Variants in CYP27C1 observed in about 807,000 individuals in gnomAD.
CYP27C1 encodes the protein cytochrome P450 family 27 subfamily C member 1, also known as cytochrome P450 27C1.
Under a neutral mutation model 40.6 loss-of-function variants are expected in CYP27C1, and 29 were observed. The observed-to-expected ratio is 0.71, with a 90% CI of 0.53 to 0.97. The LOEUF (loss-of-function observed/expected upper bound fraction) is 0.97, where lower values mean the gene tolerates loss of function less well. CYP27C1 is among the 50% of genes least tolerant of loss of function. CYP27C1 has a pLI of 0.00. For missense variants in CYP27C1, 390 were observed against 485.8 expected (o/e 0.80, Z 1.85); for synonymous variants, 198 against 186.8 (o/e 1.06, Z -0.49).
At position 127,201,748 on chromosome 2, in the gene CYP27C1, C is replaced by T. The variant is rs1169589053; in HGVS notation, c.674-417G>A. Reference sequence around the variant, plus strand: ...CAACACCCTCCTCTCAGGAAGGAGTCGGCAAACCTCACATGGCCTCTCCCT... The same window carrying T: ...CAACACCCTCCTCTCAGGAAGGAGTTGGCAAACCTCACATGGCCTCTCCCT... On this transcript the variant is annotated intron_variant, in intron 3 of 8. Transcript: ENST00000664447. The surrounding 1 kb of genome is among the most constrained non-coding windows in gnomAD (Gnocchi z 6.0). 6.6e-6 allele frequency among the ~76,000 whole-genome samples: 1 copy of T among 152,156 alleles called. No individual in the cohort carries two copies. The highest frequency in any genetic ancestry group is 1.5e-5 in the Non-Finnish European group (1 of 68,032).
intron 8 of CYP27C1, among the ~76,000 whole-genome samples, chr2:127,191,505 G>A (rs1435124943): frequency 8.5e-5 from 13 of 152,116 alleles, no homozygotes; most frequent in Non-Finnish European, 1.9e-4. Context: ...CAGTGGCTGC[G>A]GGAGGCACAG....
chr2:127,193,354 G>T (rs2104676885), intron 7 of CYP27C1, 57 bp from the exon 8 acceptor site: 1 of 1,602,722 alleles, frequency 6.2e-7, no homozygotes, highest in South Asian at 1.1e-5. Flanking sequence ...TCAAGAGCAG[G>T]GCAGGGCCCA....
rs1271736253 is a variant in CYP27C1 at position 127,186,811 on chromosome 2, T to C, written c.*460A>G. 6.4e-6 allele frequency: 1 copy of C among 155,512 alleles called. No homozygotes were observed. Among genetic ancestry groups the C allele is most frequent in the Non-Finnish European group, 1.4e-5 (1 of 70,036 alleles). The allele number at this position is 155,512 out of a possible 1,614,324, so 9.6% of individuals were successfully genotyped here. A position where few individuals can be genotyped will look rare whatever the true frequency, so the allele number is the denominator to read the frequency against. ...TACAGTATTACAGAGGCATTCTTAATGTTCCCTCTTCAAATTAGAAACAGT... is the reference window on the plus strand; with the variant it reads ...TACAGTATTACAGAGGCATTCTTAACGTTCCCTCTTCAAATTAGAAACAGT... On this transcript the variant is annotated 3_prime_UTR_variant, in exon 9 of 9. Coordinates refer to ENST00000664447, the MANE Select transcript of CYP27C1 (RefSeq NM_001367502.1). This position sits in a 1 kb window ranked among gnomAD's most constrained non-coding sequence, Gnocchi z 4.5.
rs968556730 is a variant in CYP27C1 at position 127,184,269 on chromosome 2, A to T, written c.*3002T>A. ...TATTTTTGGCTTTTATTTTATTTTTAAAAATTATCTCTTAAATGTCTTTTT... is the reference window on the plus strand; with the variant it reads ...TATTTTTGGCTTTTATTTTATTTTTTAAAATTATCTCTTAAATGTCTTTTT... On this transcript the variant is annotated 3_prime_UTR_variant, in exon 9 of 9. Transcript: ENST00000664447. The T allele has an allele frequency of 6.6e-6, 1 of 152,110 alleles. No homozygotes were observed. The highest frequency in any genetic ancestry group is 6.5e-5 in the Admixed American group (1 of 15,268). The allele number at this position is 152,110 out of a possible 1,614,324, so 9.4% of individuals were successfully genotyped here.
chr2:127,198,431 G>A (rs1682955328), intron 5 of CYP27C1, among the ~76,000 whole-genome samples: 1 of 151,982 alleles, frequency 6.6e-6, no homozygotes, highest in Non-Finnish European at 1.5e-5. Flanking sequence ...ATGAAACAAT[G>A]ACAAAATGTT....
At chr2:127,198,786 T>A (rs1262730635) in intron 5 of CYP27C1, among the ~76,000 whole-genome samples, 1 of 152,192 alleles carries the variant, frequency 6.6e-6, no homozygotes, top group African/African-American at 2.4e-5. Context: ...CCTAGGTATG[T>A]GGTAGGCTAC....
At chr2:127,207,496 C>CA (rs1184305271) in intron 1 of CYP27C1, among the ~76,000 whole-genome samples, 1 of 151,950 alleles carries the variant, frequency 6.6e-6, no homozygotes, top group African/African-American at 2.4e-5. Flanking sequence ...AATTCTATCT[C>CA]AAAAAATACA....
intron 1 of CYP27C1, among the ~76,000 whole-genome samples, chr2:127,216,601 T>A (rs1683435385): frequency 1.3e-5 from 2 of 152,208 alleles, no homozygotes; most frequent in Admixed American, 6.5e-5. Context: ...TTTGAGGTCA[T>A]GAAAATGTTC....
At chr2:127,203,594 A>C in intron 2 of CYP27C1, 23 bp from the exon 3 acceptor site, 2 of 1,598,078 alleles carry the variant, frequency 1.3e-6, no homozygotes, top group Non-Finnish European at 1.7e-6. Context: ...AGTGAGTTTC[A>C]AATCATCTTA....
chr2:127,204,385 AAG>A (rs1230322286), intron 2 of CYP27C1, among the ~76,000 whole-genome samples: 3 of 122,280 alleles, frequency 2.5e-5, no homozygotes, highest in African/African-American at 9.0e-5. Context: ...GAGAGAAAGA[AAG>A]AAAAGAAAGA....
intron 1 of CYP27C1, among the ~76,000 whole-genome samples, chr2:127,211,417 C>G (rs973239189): frequency 8.3e-6 from 1 of 119,916 alleles, no homozygotes; most frequent in Non-Finnish European, 1.6e-5. Context: ...GAGTCTCGCT[C>G]TTTCACCCAG....
At chr2:127,191,246 T>A (rs1558925270) in intron 8 of CYP27C1, among the ~76,000 whole-genome samples, 1 of 151,938 alleles carries the variant, frequency 6.6e-6, no homozygotes, top group East Asian at 1.9e-4. Context: ...TCAAAAAAAA[T>A]AATAAAATAA....
At chr2:127,192,579 TAAAC>T (rs1360544458) in intron 8 of CYP27C1, among the ~76,000 whole-genome samples, 1 of 151,190 alleles carries the variant, frequency 6.6e-6, no homozygotes, top group African/African-American at 2.4e-5. Context: ...TTGGGTCAGT[TAAAC>T]AAAGGAGACC....
At chr2:127,198,510 T>C (rs1682957920) in intron 5 of CYP27C1, among the ~76,000 whole-genome samples, 1 of 151,606 alleles carries the variant, frequency 6.6e-6, no homozygotes, top group Non-Finnish European at 1.5e-5. Flanking sequence ...AATGGAATTT[T>C]GGTTATGCTT....
rs188512702 is a variant in CYP27C1 at position 127,195,922 on chromosome 2, A to T, written c.1048-421T>A. 6.2e-4 allele frequency among the ~76,000 whole-genome samples: 94 copies of T among 152,318 alleles called. 1 individual carries two copies. The highest frequency in any genetic ancestry group is 1.0e-3 in the Admixed American group (16 of 15,300). ...CCTCAGGCTGCCCCCCGGCATCCCC[A>T]GGATGCTGGGCCCGGCCCACTCTGG... On this transcript the variant is annotated intron_variant, in intron 5 of 8. Coordinates refer to ENST00000664447, the MANE Select transcript of CYP27C1 (RefSeq NM_001367502.1). This position sits in a 1 kb window ranked among gnomAD's most constrained non-coding sequence, Gnocchi z 6.2.
In CYP27C1 at chr2:127,195,210, A is replaced by T; in HGVS notation, c.1214+125T>A. The T allele has an allele frequency of 3.4e-6, 4 of 1,183,546 alleles. No homozygotes were observed. The highest frequency in any genetic ancestry group is 4.8e-6 in the Non-Finnish European group (4 of 831,954). 73.3% of individuals were successfully genotyped at this position (1,183,546 alleles called of 1,614,324 possible). ...CTATTCTGACAAGAGCAGAGAAAAA[A>T]TAACAGTCACGAACATCCTCATCCT... On this transcript the variant is annotated intron_variant, in intron 6 of 8. Coordinates refer to ENST00000664447, the MANE Select transcript of CYP27C1 (RefSeq NM_001367502.1). This position sits in a 1 kb window ranked among gnomAD's most constrained non-coding sequence, Gnocchi z 6.2.
rs973689861 is a variant in CYP27C1 at position 127,209,324 on chromosome 2, C to A, written c.283-3234G>T. Among the ~76,000 whole-genome samples, 1 of 152,058 alleles carries A rather than the reference C, an allele frequency of 6.6e-6. No homozygotes were observed. The highest frequency in any genetic ancestry group is 1.5e-5 in the Non-Finnish European group (1 of 67,998). ...GCGACAACAACAGCATTGATAACAACAACAAAAAAAGGCCCCCACAAAAAC... is the reference window on the plus strand; with the variant it reads ...GCGACAACAACAGCATTGATAACAAAAACAAAAAAAGGCCCCCACAAAAAC... On this transcript the variant is annotated intron_variant, in intron 1 of 8. Transcript: ENST00000664447. This position sits in a 1 kb window ranked among gnomAD's most constrained non-coding sequence, Gnocchi z 4.1.
chr2:127,190,096 C>T (rs559520250), intron 8 of CYP27C1, among the ~76,000 whole-genome samples: 1 of 152,190 alleles, frequency 6.6e-6, no homozygotes, highest in East Asian at 1.9e-4. Context: ...AATCTTTTTA[C>T]CACTGACTCA....
In CYP27C1 at chr2:127,204,440, A is replaced by AAAAGAAAGAAAGAAAAG. The variant is rs1553503224; in HGVS notation, c.474-870_474-869insCTTTTCTTTCTTTCTTT. Among the ~76,000 whole-genome samples, 12 of 41,328 alleles carry AAAAGAAAGAAAGAAAAG rather than the reference A, an allele frequency of 2.9e-4. 1 individual carries two copies. Among genetic ancestry groups the AAAAGAAAGAAAGAAAAG allele is most frequent in the South Asian group, 8.3e-4 (1 of 1,202 alleles). The allele number at this position is 41,328 out of a possible 152,430, so 27.1% of individuals were successfully genotyped here. On this transcript the variant is annotated intron_variant, in intron 2 of 8. Coordinates refer to ENST00000664447, the MANE Select transcript of CYP27C1 (RefSeq NM_001367502.1). ...AAGAAAGAGAGAAAGGAAAGAAAGA[A>AAAAGAAAGAAAGAAAAG]AAAGAAAGAAAGAAAGAAAGAAAGA...
Sources: allele counts gnomAD v4.1 joint callset (sites outside exome capture counted in the v4.1 genomes callset), GRCh38; gene constraint gnomAD v4.1.1; non-coding constraint Gnocchi (gnomAD v3.1); transcripts MANE v1.5; gene names NCBI Gene and HGNC (gene_info 2026-07-23, HGNC 2026-07-21).